The following LRRIQ3 variants were observed in gnomAD, a reference collection of about 807,000 sequenced individuals.
LRRIQ3 encodes leucine rich repeats and IQ motif containing 3.
LRRIQ3 carries 75 observed loss-of-function variants against 59.3 expected under a neutral mutation model. That is an observed-to-expected ratio of 1.26 (90% CI 1.05 to 1.53). The LOEUF is 1.53. LRRIQ3 is among the 40% of genes most tolerant of loss of function. The probability of loss-of-function intolerance (pLI) is 0.00; values close to 1 mark genes in which losing one functional copy is unlikely to be tolerated. For missense variants in LRRIQ3, 831 were observed against 710.0 expected (o/e 1.17, Z -1.94); for synonymous variants, 250 against 231.3 (o/e 1.08, Z -0.73).
intron 4 of LRRIQ3, among the ~76,000 whole-genome samples, chr1:74,135,328 T>C (rs1388741700): frequency 6.6e-6 from 1 of 151,890 alleles, no homozygotes; most frequent in Non-Finnish European, 1.5e-5. Flanking sequence ...TGCCACACTC[T>C]AAATAATAGA....
At chr1:74,035,702 T>C (rs905599236) in intron 7 of LRRIQ3, among the ~76,000 whole-genome samples, 2 of 152,204 alleles carry the variant, frequency 1.3e-5, no homozygotes, top group Admixed American at 6.5e-5. Flanking sequence ...TGGTCTTTAC[T>C]GCACAACTGT....
intron 4 of LRRIQ3, among the ~76,000 whole-genome samples, chr1:74,151,411 T>C (rs1207647521): frequency 6.6e-6 from 1 of 152,112 alleles, no homozygotes; most frequent in African/African-American, 2.4e-5. Context: ...TTTTTTTAAA[T>C]ATCTACAACA....
At chr1:74,049,491 T>A (rs1654298486) in intron 6 of LRRIQ3, among the ~76,000 whole-genome samples, 1 of 152,114 alleles carries the variant, frequency 6.6e-6, no homozygotes, top group South Asian at 2.1e-4. Context: ...ATTTGGCATA[T>A]GTTTTACAAG....
At chr1:74,143,749 T>C (rs1570199369) in intron 4 of LRRIQ3, among the ~76,000 whole-genome samples, 3 of 151,494 alleles carry the variant, frequency 2.0e-5, no homozygotes, top group Admixed American at 2.0e-4. Context: ...CAACTTTTTA[T>C]CTCATAATTC....
At chr1:74,089,122 C>G (rs746012224) in intron 5 of LRRIQ3, among the ~76,000 whole-genome samples, 2 of 151,998 alleles carry the variant, frequency 1.3e-5, no homozygotes, top group Non-Finnish European at 2.9e-5. Flanking sequence ...TACTTTGTAT[C>G]CTGTAGAACA....
intron 5 of LRRIQ3, among the ~76,000 whole-genome samples, chr1:74,093,917 C>A (rs756429407): frequency 6.6e-6 from 1 of 152,000 alleles, no homozygotes; most frequent in Admixed American, 6.6e-5. Context: ...GTGAATGTCA[C>A]CTTATATATT....
intron 5 of LRRIQ3, among the ~76,000 whole-genome samples, chr1:74,089,143 T>A (rs927578930): frequency 6.6e-6 from 1 of 152,064 alleles, no homozygotes; most frequent in Non-Finnish European, 1.5e-5. Context: ...GTTATAATCA[T>A]AAAGACATAA....
chr1:74,130,778 A>G (rs1175775125), intron 4 of LRRIQ3, among the ~76,000 whole-genome samples: 1 of 152,134 alleles, frequency 6.6e-6, no homozygotes, highest in Non-Finnish European at 1.5e-5. Flanking sequence ...AAGAGAAAGC[A>G]GGAAAGATCT....
chr1:74,061,877 A>G (rs1327967291), intron 6 of LRRIQ3, among the ~76,000 whole-genome samples: 2 of 152,084 alleles, frequency 1.3e-5, no homozygotes, highest in African/African-American at 2.4e-5. Flanking sequence ...TCTACAAATA[A>G]TACAAGTATA....
chr1:74,084,189 G>A lies in LRRIQ3; in HGVS notation c.868-9399C>T, dbSNP rs933600801. 25 of 1,547,076 alleles carry A rather than the reference G, an allele frequency of 1.6e-5. No homozygotes were observed. In the Admixed American group the frequency reaches 4.9e-4, roughly 30 times the overall value. ...ATACACACATCCAGCCCACTTCAGT[G>A]AAAATTGACCCATAATTTTTTTTTA... is the stretch of plus-strand genomic sequence containing the variant. On this transcript the variant is annotated intron_variant, in intron 5 of 7. Coordinates refer to ENST00000354431, the MANE Select transcript of LRRIQ3 (RefSeq NM_001105659.2).
At chr1:74,085,274 T>C (rs906683773) in intron 5 of LRRIQ3, among the ~76,000 whole-genome samples, 2 of 150,322 alleles carry the variant, frequency 1.3e-5, no homozygotes, top group East Asian at 1.9e-4. Flanking sequence ...TAAATAAATA[T>C]TTTTTGAGTG....
intron 4 of LRRIQ3, among the ~76,000 whole-genome samples, chr1:74,123,999 C>G (rs903201205): frequency 2.0e-5 from 3 of 151,848 alleles, no homozygotes; most frequent in Non-Finnish European, 4.4e-5. Flanking sequence ...CAGACATCTA[C>G]AGATGTCTCT....
Position 74,041,321 on chromosome 1 carries a change from C to G in LRRIQ3, c.1610G>C (p.Arg537Thr). Reference sequence around the variant, plus strand: ...TAGGACAGCCTCATTCTTCTCCAGTCTGTCAATTTTAAGTAGTCCTCTGGT... The same window carrying G: ...TAGGACAGCCTCATTCTTCTCCAGTGTGTCAATTTTAAGTAGTCCTCTGGT... ...LLTRGLLKID[R>T]LEKNEAVLKE... is the part of the protein sequence containing the mutation. The change falls in exon 7 of 8, where the codon AGA (arginine) becomes ACA (threonine). Residue 537 changes from arginine (R) to threonine (T), a missense_variant. Coordinates refer to ENST00000354431, the MANE Select transcript of LRRIQ3 (RefSeq NM_001105659.2). 1 of 1,613,788 alleles carries G rather than the reference C, an allele frequency of 6.2e-7. No homozygotes were observed. The highest frequency in any genetic ancestry group is 8.5e-7 in the Non-Finnish European group (1 of 1,179,866).
chr1:74,194,025 C>T (rs1650937318), intron 1 of LRRIQ3, among the ~76,000 whole-genome samples: 1 of 152,056 alleles, frequency 6.6e-6, no homozygotes, highest in African/African-American at 2.4e-5. Flanking sequence ...TTTTTAAATA[C>T]TTTTTATTTG....
In LRRIQ3 at chr1:74,041,665, A is replaced by G; in HGVS notation, c.1266T>C (p.Asp422=). The G allele has an allele frequency of 1.2e-6, 2 of 1,613,778 alleles. No homozygotes were observed. The highest frequency in any genetic ancestry group is 1.7e-6 in the Non-Finnish European group (2 of 1,179,824). Residue 422 remains aspartate, a synonymous_variant, in exon 7 of 8, where the codon GAT becomes GAC. Coordinates refer to ENST00000354431, the MANE Select transcript of LRRIQ3 (RefSeq NM_001105659.2). The stretch of plus-strand genomic sequence containing the variant: ...TTTGTTCTGTGTAATATTTGTCAAT[A>G]TCACTAAATGTTCGGAGTTTCATAC... ...RAGMKLRTFS[D]IDKYYTEQKK...
At chr1:74,130,171 C>T (rs1056122092) in intron 4 of LRRIQ3, among the ~76,000 whole-genome samples, 1 of 151,978 alleles carries the variant, frequency 6.6e-6, no homozygotes, top group Non-Finnish European at 1.5e-5. Flanking sequence ...CAGGACTTGC[C>T]CACAGATTGC....
intron 6 of LRRIQ3, among the ~76,000 whole-genome samples, chr1:74,064,568 C>T (rs1654817788): frequency 6.6e-6 from 1 of 152,026 alleles, no homozygotes; most frequent in African/African-American, 2.4e-5. Flanking sequence ...ATGGAACTTT[C>T]TTTCATACAC....
intron 6 of LRRIQ3, among the ~76,000 whole-genome samples, chr1:74,055,184 ATATATAT>A (rs1654492434): frequency 1.9e-4 from 1 of 5,380 alleles, no homozygotes. Context: ...TACACTTTAT[ATATATAT>A]ATATATATAT....
At chr1:74,175,295 C>T (rs1570260444) in intron 3 of LRRIQ3, among the ~76,000 whole-genome samples, 1 of 152,174 alleles carries the variant, frequency 6.6e-6, no homozygotes, top group South Asian at 2.1e-4. Context: ...GGGGCTACTG[C>T]CAATATCTGT....
Sources: gnomAD v4.1 joint callset for allele counts (sites outside exome capture counted in the v4.1 genomes callset) on GRCh38, gnomAD v4.1.1 for gene constraint, MANE v1.5 for transcripts, NCBI Gene and HGNC (gene_info 2026-07-23, HGNC 2026-07-21) for gene names.